The following RBFOX1 variants were observed in gnomAD, a reference collection of about 807,000 sequenced individuals.
The protein encoded by RBFOX1 is RNA binding fox-1 homolog 1.
In RBFOX1, 8 loss-of-function variants were observed where a neutral mutation model predicts 57.7. The observed-to-expected ratio is 0.14, with a 90% confidence interval of 0.08 to 0.25. The LOEUF is 0.25. RBFOX1 is among the 10% of genes least tolerant of loss of function. The pLI is 1.00. For missense variants in RBFOX1, 611 were observed against 548.5 expected, an observed-to-expected ratio of 1.11 and a Z score of -1.14; for synonymous variants, 326 against 222.4, an observed-to-expected ratio of 1.47 and a Z score of -4.15.
intron 3 of RBFOX1, among the ~76,000 whole-genome samples, chr16:6,795,886 C>G (rs2083905096): frequency 6.6e-6 from 1 of 151,938 alleles, no homozygotes; most frequent in Admixed American, 6.6e-5. Context: ...CCTTCCCTTT[C>G]CTTTTATGTT....
chr16:6,495,597 A>G (rs1029127906), intron 2 of RBFOX1, among the ~76,000 whole-genome samples: 4 of 152,242 alleles, frequency 2.6e-5, no homozygotes, highest in East Asian at 1.9e-4. Context: ...AGCTGACTTC[A>G]TCAGCCCTTA....
At chr16:7,424,220 G>A (rs910493412) in intron 4 of RBFOX1, among the ~76,000 whole-genome samples, 12 of 151,872 alleles carry the variant, frequency 7.9e-5, no homozygotes, top group African/African-American at 2.9e-4. Context: ...GGGCAGCCAT[G>A]AATTTTATTT....
At position 6,641,324 on chromosome 16, in the gene RBFOX1, C is replaced by T. The variant is rs537745162; in HGVS notation, c.-63-13279C>T. On this transcript the variant is annotated intron_variant, in intron 2 of 15. Transcript: ENST00000550418. ...TGTAACACGGTTCAACCAAGGCGTT[C>T]ACCTTCACTCCCTCCCAACGCTGAC... Among the ~76,000 whole-genome samples, 23 of 152,268 alleles carry T rather than the reference C, an allele frequency of 1.5e-4. No individual in the cohort carries two copies. In the South Asian group the frequency reaches 4.1e-3, roughly 27 times the overall value.
At chr16:7,094,169 C>T (rs543973864) in intron 4 of RBFOX1, among the ~76,000 whole-genome samples, 3 of 151,740 alleles carry the variant, frequency 2.0e-5, no homozygotes, top group South Asian at 4.2e-4. Flanking sequence ...CAGACAAATA[C>T]TTGATCAAAT....
intron 11 of RBFOX1, among the ~76,000 whole-genome samples, chr16:7,637,106 ATTTCTTT>A (rs2061890839): frequency 6.6e-6 from 1 of 152,128 alleles, no homozygotes; most frequent in Non-Finnish European, 1.5e-5. Context: ...TCTGGAAGAA[ATTTCTTT>A]ATTGTTCCGT....
At chr16:6,324,901 G>A (rs2082200644) in intron 2 of RBFOX1, among the ~76,000 whole-genome samples, 1 of 152,188 alleles carries the variant, frequency 6.6e-6, no homozygotes, top group Non-Finnish European at 1.5e-5. Flanking sequence ...TGGCCCACCT[G>A]TGTACAGAAA....
chr16:7,436,802 C>A (rs1184787646), intron 4 of RBFOX1, among the ~76,000 whole-genome samples: 1 of 152,180 alleles, frequency 6.6e-6, no homozygotes, highest in Non-Finnish European at 1.5e-5. Context: ...TGGCTCATAC[C>A]TGCAATCCCA....
chr16:7,191,533 C>T (rs1169540770), intron 4 of RBFOX1, among the ~76,000 whole-genome samples: 1 of 152,124 alleles, frequency 6.6e-6, no homozygotes, highest in Admixed American at 6.6e-5. Flanking sequence ...TTAGAGTTGA[C>T]ATTTATAACC....
chr16:5,324,724 C>G (rs897745935), intron 1 of RBFOX1, among the ~76,000 whole-genome samples: 7 of 152,184 alleles, frequency 4.6e-5, no homozygotes, highest in African/African-American at 1.7e-4. Flanking sequence ...CCAAATACCA[C>G]TTGTTCTCAC....
At chr16:5,673,314 C>T (rs764172042) in intron 3 of RBFOX1, among the ~76,000 whole-genome samples, 3 of 152,084 alleles carry the variant, frequency 2.0e-5, no homozygotes, top group Admixed American at 2.0e-4. Flanking sequence ...AGGAGCCAGG[C>T]AGGAAGCAGG....
At chr16:6,198,117 C>G (rs2152824116) in intron 1 of RBFOX1, among the ~76,000 whole-genome samples, 1 of 152,218 alleles carries the variant, frequency 6.6e-6, no homozygotes, top group Middle Eastern at 3.4e-3. Context: ...GCATTTCAGA[C>G]TTTTGGGGGA....
At chr16:7,174,780 AAAAC>A (rs947977243) in intron 4 of RBFOX1, among the ~76,000 whole-genome samples, 38 of 152,216 alleles carry the variant, frequency 2.5e-4, no homozygotes, top group Admixed American at 1.2e-3. Flanking sequence ...ACTCAGTCTC[AAAAC>A]AAACAGACAA....
At chr16:6,462,581 T>C (rs2094944883) in intron 2 of RBFOX1, among the ~76,000 whole-genome samples, 1 of 152,140 alleles carries the variant, frequency 6.6e-6, no homozygotes, top group African/African-American at 2.4e-5. Context: ...ATAAGAAACA[T>C]TTGGCACGTA....
intron 3 of RBFOX1, among the ~76,000 whole-genome samples, chr16:6,696,938 G>A (rs917552001): frequency 8.5e-5 from 13 of 152,158 alleles, no homozygotes; most frequent in African/African-American, 2.9e-4. Flanking sequence ...AACTCCAGCA[G>A]GCTAAAATGC....
intron 1 of RBFOX1, among the ~76,000 whole-genome samples, chr16:5,427,186 A>G (rs1251479946): frequency 6.6e-6 from 1 of 152,366 alleles, no homozygotes; most frequent in Non-Finnish European, 1.5e-5. Context: ...CCAGAGAATT[A>G]GGATTCACCA....
intron 2 of RBFOX1, among the ~76,000 whole-genome samples, chr16:5,499,810 T>G (rs1312840250): frequency 1.3e-5 from 2 of 152,106 alleles, no homozygotes; most frequent in African/African-American, 2.4e-5. Context: ...TGACATCAGG[T>G]GATCCACCTG....
At chr16:6,825,355 C>G (rs887717699) in intron 3 of RBFOX1, among the ~76,000 whole-genome samples, 13 of 151,444 alleles carry the variant, frequency 8.6e-5, no homozygotes, top group African/African-American at 2.7e-4. Context: ...AATCAGTCTT[C>G]TAGATATTTT....
chr16:5,857,731 G>C (rs1207609984), intron 3 of RBFOX1, among the ~76,000 whole-genome samples: 1 of 151,932 alleles, frequency 6.6e-6, no homozygotes, highest in South Asian at 2.1e-4. Context: ...AGACCAGCCT[G>C]GGCAATATAG....
chr16:7,660,249 C>T (rs1320448259), intron 12 of RBFOX1, among the ~76,000 whole-genome samples: 1 of 152,110 alleles, frequency 6.6e-6, no homozygotes, highest in African/African-American at 2.4e-5. Context: ...ATAAGATGTG[C>T]ATTTGCATTA....
Sources: allele counts gnomAD v4.1 joint callset (sites outside exome capture counted in the v4.1 genomes callset), GRCh38; gene constraint gnomAD v4.1.1; transcripts MANE v1.5; gene names NCBI Gene and HGNC (gene_info 2026-07-23, HGNC 2026-07-21).